Variants in GNAQ observed in about 807,000 individuals in gnomAD.
The protein encoded by GNAQ is G protein subunit alpha q.
A neutral mutation model predicts 43.9 loss-of-function variants in GNAQ; 8 were observed. The observed-to-expected ratio is 0.18, with a 90% CI of 0.11 to 0.33. GNAQ has a LOEUF of 0.33. Among genes scored for constraint, GNAQ ranks in the 10% least tolerant of loss-of-function variants. The pLI is 1.00. For missense variants in GNAQ, 158 were observed against 450.8 expected, an observed-to-expected ratio of 0.35 and a Z score of 5.88; for synonymous variants, 155 against 170.7, an observed-to-expected ratio of 0.91 and a Z score of 0.71.
chr9:78,001,391 A>G (rs1821395886), intron 1 of GNAQ, among the ~76,000 whole-genome samples: 1 of 151,960 alleles, frequency 6.6e-6, no homozygotes, highest in African/African-American at 2.4e-5. Flanking sequence ...TGACAGAGCG[A>G]CACTCCATCT....
chr9:77,805,543 T>C (rs1055532480), intron 3 of GNAQ, among the ~76,000 whole-genome samples: 1 of 152,064 alleles, frequency 6.6e-6, no homozygotes, highest in Non-Finnish European at 1.5e-5. Context: ...TAGCTGGGAT[T>C]ACATGCGCGC....
chr9:77,874,386 T>TTCCACCTCCTCATATCTCCCA (rs1319910293), intron 2 of GNAQ, among the ~76,000 whole-genome samples: 2 of 152,168 alleles, frequency 1.3e-5, no homozygotes, highest in East Asian at 3.9e-4. Flanking sequence ...ATATTCTTCC[T>TTCCACCTCCTCATATCTCCCA]TCCACCTCCT....
intron 2 of GNAQ, among the ~76,000 whole-genome samples, chr9:77,891,387 T>TGGGGA (rs1164478065): frequency 6.6e-6 from 1 of 152,198 alleles, no homozygotes; most frequent in Non-Finnish European, 1.5e-5. Context: ...GGTTGTTTTT[T>TGGGGA]GGGGAGGGGA....
At chr9:77,917,692 T>C (rs1828933556) in intron 2 of GNAQ, among the ~76,000 whole-genome samples, 1 of 152,194 alleles carries the variant, frequency 6.6e-6, no homozygotes, top group Non-Finnish European at 1.5e-5. Context: ...AATCCCTTTT[T>C]ATCACTAGTT....
chr9:77,776,768 C>T (rs1178418125), intron 5 of GNAQ, among the ~76,000 whole-genome samples: 1 of 151,902 alleles, frequency 6.6e-6, no homozygotes, highest in Admixed American at 6.6e-5. Flanking sequence ...TGCTACTGAA[C>T]AACAGCAGAA....
intron 1 of GNAQ, among the ~76,000 whole-genome samples, chr9:78,019,650 C>T (rs532436243): frequency 2.6e-5 from 4 of 152,158 alleles, no homozygotes; most frequent in Admixed American, 6.5e-5. Flanking sequence ...AGGCCAGGTG[C>T]GGTGGCTCAA....
At chr9:78,011,407 T>G (rs978612543) in intron 1 of GNAQ, among the ~76,000 whole-genome samples, 1 of 152,020 alleles carries the variant, frequency 6.6e-6, no homozygotes, top group African/African-American at 2.4e-5. Flanking sequence ...TAAGCACAAA[T>G]GAAGACAAGG....
At chr9:77,802,982 A>C (rs555131043) in intron 3 of GNAQ, among the ~76,000 whole-genome samples, 85 of 152,130 alleles carry the variant, frequency 5.6e-4, no homozygotes, top group Non-Finnish European at 1.1e-3. Flanking sequence ...TTGCCCAGTT[A>C]GCTATGGCCC....
chr9:78,023,967 A>ATGTGTGTATATACACACACAC (rs1823944732), intron 1 of GNAQ, among the ~76,000 whole-genome samples: 3 of 152,018 alleles, frequency 2.0e-5, no homozygotes, highest in African/African-American at 7.2e-5. Flanking sequence ...CACACACTAT[A>ATGTGTGTATATACACACACAC]ATGGCATTAG....
intron 6 of GNAQ, among the ~76,000 whole-genome samples, chr9:77,722,653 CTTTTTTT>C (rs36194112): frequency 1.7e-5 from 2 of 115,794 alleles, no homozygotes. Flanking sequence ...TATCTAAGGA[CTTTTTTT>C]TTTTTTTTTT....
intron 1 of GNAQ, among the ~76,000 whole-genome samples, chr9:78,002,377 G>C (rs1248500065): frequency 2.0e-5 from 3 of 152,056 alleles, no homozygotes; most frequent in Non-Finnish European, 4.4e-5. Context: ...CCCCCACACA[G>C]AGACACACAA....
intron 2 of GNAQ, among the ~76,000 whole-genome samples, chr9:77,906,103 AT>A (rs1479771985): frequency 2.0e-5 from 3 of 152,278 alleles, no homozygotes; most frequent in East Asian, 3.9e-4. Context: ...TAAAAAAAAA[AT>A]AATTTCTAAA....
At chr9:77,862,625 G>A (rs971011513) in intron 2 of GNAQ, among the ~76,000 whole-genome samples, 9 of 152,176 alleles carry the variant, frequency 5.9e-5, no homozygotes, top group Non-Finnish European at 1.2e-4. Flanking sequence ...AAACCTCCAG[G>A]TTTGTTATAG....
chr9:77,738,909 G>T (rs1825611965), intron 5 of GNAQ, among the ~76,000 whole-genome samples: 1 of 151,724 alleles, frequency 6.6e-6, no homozygotes, highest in African/African-American at 2.4e-5. Flanking sequence ...AAGTTATAGT[G>T]GGCTTAACTG....
At chr9:77,729,550 T>G (rs1044789657) in intron 5 of GNAQ, among the ~76,000 whole-genome samples, 4 of 152,146 alleles carry the variant, frequency 2.6e-5, no homozygotes, top group African/African-American at 9.7e-5. Context: ...CAGAGCTTCT[T>G]TCGTCTCTCC....
chr9:77,940,811 C>G (rs185212806), intron 1 of GNAQ, among the ~76,000 whole-genome samples: 1 of 151,690 alleles, frequency 6.6e-6, no homozygotes. Flanking sequence ...ACTAAAAATA[C>G]AAAAAATTAG....
chr9:77,752,417 T>C lies in GNAQ; in HGVS notation c.736-23750A>G, dbSNP rs553226493. On this transcript the variant is annotated intron_variant, in intron 5 of 6. Transcript: ENST00000286548. ...TGCTGCAATAACTTGCACCGGGAGG[T>C]AGAGTAGGTACTGAATGTGTGCTTC... is the stretch of plus-strand genomic sequence containing the variant. 2.0e-5 allele frequency among the ~76,000 whole-genome samples: 3 copies of C among 152,312 alleles called. No homozygotes were observed. The South Asian group carries it at 6.2e-4, about 32-fold the overall frequency.
At chr9:77,885,820 T>C (rs1476563011) in intron 2 of GNAQ, among the ~76,000 whole-genome samples, 1 of 152,050 alleles carries the variant, frequency 6.6e-6, no homozygotes, top group African/African-American at 2.4e-5. Context: ...AAAAGTGTTA[T>C]TATCAACATG....
At chr9:77,887,938 TAGATCA>T (rs1300854015) in intron 2 of GNAQ, among the ~76,000 whole-genome samples, 1 of 152,230 alleles carries the variant, frequency 6.6e-6, no homozygotes, top group Non-Finnish European at 1.5e-5. Flanking sequence ...GCAATTATTC[TAGATCA>T]GTAGTTCTCA....
Sources: allele counts gnomAD v4.1 joint callset (sites outside exome capture counted in the v4.1 genomes callset), GRCh38; gene constraint gnomAD v4.1.1; transcripts MANE v1.5; gene names NCBI Gene and HGNC (gene_info 2026-07-23, HGNC 2026-07-21).